The following HMGXB4 variants were observed in gnomAD, a reference collection of about 807,000 sequenced individuals.
HMGXB4 encodes the protein HMG-box containing 4.
In HMGXB4, 27 loss-of-function variants were observed where a neutral mutation model predicts 63.9. The observed-to-expected ratio is 0.42, with a 90% CI of 0.31 to 0.58. The LOEUF (loss-of-function observed/expected upper bound fraction) is 0.58. HMGXB4 is among the 20% of genes least tolerant of loss of function. The pLI is 0.13. For missense variants in HMGXB4, 624 were observed against 700.7 expected, an observed-to-expected ratio of 0.89 and a Z score of 1.24; for synonymous variants, 264 against 265.3, an observed-to-expected ratio of 0.99 and a Z score of 0.05.
chr22:35,280,370 T>A (rs1450362610), intron 5 of HMGXB4, among the ~76,000 whole-genome samples: 1 of 152,226 alleles, frequency 6.6e-6, no homozygotes, highest in East Asian at 1.9e-4. Flanking sequence ...GCAATTCACG[T>A]AACGAGTAAA....
upstream of HMGXB4, among the ~76,000 whole-genome samples, chr22:35,253,698 G>C (rs1922285626): frequency 6.6e-6 from 1 of 152,160 alleles, no homozygotes. Flanking sequence ...ATGTAAGCCT[G>C]GGCTACCTGT....
rs1925140797 is a variant in HMGXB4 at position 35,294,544 on chromosome 22, C to T, written c.*893C>T. On this transcript the variant is annotated 3_prime_UTR_variant, in exon 11 of 11. Transcript: ENST00000216106. ...ATTTTTGGGTTCATCTTATCAGTTC[C>T]CCTGGTGGGCAGATACACAGTGTTC... The T allele has an allele frequency of 6.6e-6, 1 of 152,526 alleles. No individual in the cohort carries two copies. 9.4% of individuals were successfully genotyped at this position (152,526 alleles called of 1,614,324 possible).
In HMGXB4 at chr22:35,294,343, G is replaced by T. The variant is rs1259646957; in HGVS notation, c.*692G>T. 6.6e-6 allele frequency: 1 copy of T among 152,492 alleles called. No individual in the cohort carries two copies. The highest frequency in any genetic ancestry group is 2.4e-5 in the African/African-American group (1 of 41,408). The allele number at this position is 152,492 out of a possible 1,614,324, so 9.4% of individuals were successfully genotyped here. ...CTGGCAGCAAAAAACACCTTGGGGG[G>T]TGAAGCTGTCAATGCCACCAGTTGG... On this transcript the variant is annotated 3_prime_UTR_variant, in exon 11 of 11. Coordinates refer to ENST00000216106, the MANE Select transcript of HMGXB4 (RefSeq NM_001003681.3).
chr22:35,283,029 C>G (rs770051306), intron 5 of HMGXB4, among the ~76,000 whole-genome samples: 6 of 152,174 alleles, frequency 3.9e-5, no homozygotes, highest in Non-Finnish European at 8.8e-5. Context: ...TAGTGAAGAA[C>G]AAACATGCCT....
chr22:35,253,147 A>G (rs954957651), upstream of HMGXB4, among the ~76,000 whole-genome samples: 13 of 150,662 alleles, frequency 8.6e-5, no homozygotes, highest in African/African-American at 2.9e-4. Context: ...AAAAAAAAAA[A>G]AAAGAAAAAA....
intron 5 of HMGXB4, among the ~76,000 whole-genome samples, chr22:35,266,144 CTG>C (rs1394751271): frequency 6.6e-6 from 1 of 152,106 alleles, no homozygotes; most frequent in African/African-American, 2.4e-5. Flanking sequence ...TTTAGTTACA[CTG>C]TGGCTTTTTC....
Position 35,265,598 on chromosome 22 carries a change from G to A in HMGXB4, c.1210G>A (p.Glu404Lys). ...GAAGGACAAAGAGAGAGAGAGAGGA[G>A]AAAAGGTAAAGCATCTTTTAAGTGT... ...EEKDKERERG[E>K]KPKKKNMSAY... Residue 404 changes from glutamate (E) to lysine (K), a missense_variant, in exon 5 of 11, where the codon GAA (glutamate) becomes AAA (lysine). Around this residue, in one of 2 missense-constraint regions of HMGXB4, gnomAD observed 472 missense variants for 470.6 expected, o/e 1.00. Coordinates refer to ENST00000216106, the MANE Select transcript of HMGXB4 (RefSeq NM_001003681.3). The A allele has an allele frequency of 6.4e-7, 1 of 1,560,350 alleles. No homozygotes were observed.
At chr22:35,262,773 C>T (rs1922943719) in intron 2 of HMGXB4, 3 of 511,000 alleles carry the variant, frequency 5.9e-6, no homozygotes, top group Non-Finnish European at 1.0e-5. Flanking sequence ...TTATTCTTTT[C>T]AGCCTTTCGT....
chr22:35,244,296 TC>T, the HMGXB4 span, among the ~76,000 whole-genome samples: 1 of 81,618 alleles, frequency 1.2e-5, no homozygotes, highest in African/African-American at 4.4e-5. Context: ...TTTTCTTTTT[TC>T]TTTTTTTTTT....
intron 9 of HMGXB4, among the ~76,000 whole-genome samples, chr22:35,288,727 T>C (rs1465128250): frequency 6.6e-6 from 1 of 152,220 alleles, no homozygotes; most frequent in Non-Finnish European, 1.5e-5. Flanking sequence ...GGCTCACGCC[T>C]GTAATGCTAA....
intron 5 of HMGXB4, among the ~76,000 whole-genome samples, chr22:35,269,259 T>C (rs1378164393): frequency 6.6e-6 from 1 of 152,218 alleles, no homozygotes; most frequent in Non-Finnish European, 1.5e-5. Context: ...GCGCCTGTAA[T>C]CTCAGCTGCT....
At chr22:35,273,999 T>G (rs943149675) in intron 5 of HMGXB4, among the ~76,000 whole-genome samples, 5 of 152,212 alleles carry the variant, frequency 3.3e-5, no homozygotes, top group African/African-American at 9.6e-5. Flanking sequence ...ACTTTGCTAT[T>G]CAATAGTACA....
intron 10 of HMGXB4, 125 bp from the exon 11 acceptor site, chr22:35,293,482 C>T: frequency 1.5e-6 from 1 of 681,444 alleles, no homozygotes; most frequent in Non-Finnish European, 2.6e-6. Flanking sequence ...AGGATGCCGT[C>T]TTCATTCTCA....
chr22:35,272,257 C>G (rs962621157), intron 5 of HMGXB4, among the ~76,000 whole-genome samples: 29 of 152,176 alleles, frequency 1.9e-4, no homozygotes, highest in African/African-American at 6.7e-4. Flanking sequence ...CCAAGGAGTT[C>G]AAGTGCAGTA....
chr22:35,260,002 G>A (rs1922740501), intron 1 of HMGXB4, among the ~76,000 whole-genome samples: 1 of 152,180 alleles, frequency 6.6e-6, no homozygotes, highest in African/African-American at 2.4e-5. Flanking sequence ...CCAGTAACGA[G>A]ACCACGATAC....
chr22:35,288,116 C>G (rs928115939), intron 8 of HMGXB4, 122 bp from the exon 9 acceptor site: 2 of 726,644 alleles, frequency 2.8e-6, no homozygotes, highest in Non-Finnish European at 4.1e-6. Context: ...ATTTAGCCCA[C>G]AGGCCACAGT....
chr22:35,253,113 C>A (rs1436280486), upstream of HMGXB4, among the ~76,000 whole-genome samples: 10 of 64,408 alleles, frequency 1.6e-4, no homozygotes, highest in African/African-American at 4.6e-4. Flanking sequence ...GCCTGGGCGA[C>A]AAGAGCAAAA....
chr22:35,263,344 C>A, intron 3 of HMGXB4, 118 bp downstream of exon 3: 1 of 776,084 alleles, frequency 1.3e-6, no homozygotes, highest in Non-Finnish European at 2.0e-6. Flanking sequence ...AATGCAATGG[C>A]ACAATCTCTG....
At chr22:35,244,567 C>G in the HMGXB4 span, among the ~76,000 whole-genome samples, 1 of 152,216 alleles carries the variant, frequency 6.6e-6, no homozygotes, top group African/African-American at 2.4e-5. Flanking sequence ...AATATTTGCC[C>G]TGGCATACTT....
Sources: allele counts gnomAD v4.1 joint callset (sites outside exome capture counted in the v4.1 genomes callset), GRCh38; gene constraint gnomAD v4.1.1; regional missense constraint gnomAD v4.1.1; transcripts MANE v1.5; gene names NCBI Gene and HGNC (gene_info 2026-07-23, HGNC 2026-07-21).